Variants in ZNF385D observed in about 807,000 individuals in gnomAD.
ZNF385D encodes zinc finger protein 385D.
In ZNF385D, 15 loss-of-function variants were observed where a neutral mutation model predicts 35.8. The observed-to-expected ratio is 0.42, with a 90% CI of 0.28 to 0.64. The LOEUF (loss-of-function observed/expected upper bound fraction) is 0.64. Ranked by LOEUF, ZNF385D falls within the 30% of genes least tolerant of loss-of-function variation. The probability of loss-of-function intolerance (pLI) is 0.23; values close to 1 mark genes in which losing one functional copy is unlikely to be tolerated. For missense variants in ZNF385D, 474 were observed against 494.6 expected (o/e 0.96, Z 0.39); for synonymous variants, 212 against 186.8 (o/e 1.13, Z -1.10).
At chr3:21,714,647 C>T (rs2068242488) in intron 1 of ZNF385D, among the ~76,000 whole-genome samples, 1 of 152,142 alleles carries the variant, frequency 6.6e-6, no homozygotes, top group African/African-American at 2.4e-5. Context: ...AATTTTCCAA[C>T]ATGTATTATT....
intron 2 of ZNF385D, among the ~76,000 whole-genome samples, chr3:21,578,672 A>G (rs865776789): frequency 2.0e-5 from 3 of 152,068 alleles, no homozygotes; most frequent in African/African-American, 4.8e-5. Flanking sequence ...TAAGTTCTCT[A>G]TTCTGTTCCA....
Position 22,176,004 on chromosome 3 carries a change from T to C in ZNF385D, c.107-6969A>G, listed in dbSNP as rs555484227. 6.3e-4 allele frequency among the ~76,000 whole-genome samples: 95 copies of C among 151,264 alleles called. 1 individual carries two copies. Among genetic ancestry groups the C allele is most frequent in the South Asian group, 2.1e-3 (10 of 4,818 alleles). The stretch of plus-strand genomic sequence containing the variant: ...TATCTTCTATATTTCACTATTAAAA[T>C]TGTAAATAGTTCACAAGCTGTAAAG... On this transcript the variant is annotated intron_variant, in intron 2 of 5. Transcript: ENST00000494108.
intron 3 of ZNF385D, among the ~76,000 whole-genome samples, chr3:22,162,286 G>A (rs1161750354): frequency 1.3e-5 from 2 of 152,084 alleles, no homozygotes; most frequent in Non-Finnish European, 2.9e-5. Flanking sequence ...ATTCAGAGGG[G>A]CTACAGACTA....
chr3:21,567,420 A>C (rs952413028), intron 2 of ZNF385D, among the ~76,000 whole-genome samples: 5 of 152,112 alleles, frequency 3.3e-5, no homozygotes, highest in Non-Finnish European at 7.4e-5. Context: ...TTAACAATGC[A>C]CAGAGCTTGA....
intron 2 of ZNF385D, among the ~76,000 whole-genome samples, chr3:21,573,217 A>G (rs1372119408): frequency 1.3e-5 from 2 of 152,248 alleles, no homozygotes; most frequent in Non-Finnish European, 2.9e-5. Flanking sequence ...GAGGAACTCT[A>G]GAAATCGCTA....
intron 1 of ZNF385D, among the ~76,000 whole-genome samples, chr3:21,706,843 GATA>G (rs2067921092): frequency 1.0e-4 from 12 of 120,356 alleles, no homozygotes; most frequent in Admixed American, 7.2e-4. Context: ...TAGATAGATA[GATA>G]GATAGATAAA....
chr3:22,237,839 T>TTTACAATTTGTGCTAGAGGAG (rs1339447376), intron 2 of ZNF385D, among the ~76,000 whole-genome samples: 24 of 151,320 alleles, frequency 1.6e-4, no homozygotes, highest in South Asian at 6.4e-4. Flanking sequence ...AGGTGGGGTT[T>TTTACAATTTGTGCTAGAGGAG]CACCACATTC....
At chr3:21,968,528 A>G (rs1321534963) in intron 3 of ZNF385D, among the ~76,000 whole-genome samples, 1 of 151,746 alleles carries the variant, frequency 6.6e-6, no homozygotes, top group Non-Finnish European at 1.5e-5. Context: ...AGGAGAGGAG[A>G]GGAGAGAGTA....
intron 3 of ZNF385D, among the ~76,000 whole-genome samples, chr3:22,145,056 C>T (rs917352592): frequency 6.7e-6 from 1 of 149,306 alleles, no homozygotes; most frequent in South Asian, 2.1e-4. Context: ...AATTAGTTAT[C>T]AGTGATACTA....
At chr3:22,069,472 T>C (rs80222065) in intron 3 of ZNF385D, among the ~76,000 whole-genome samples, 7,957 of 152,248 alleles carry the variant, frequency 0.052, 261 homozygotes, top group East Asian at 0.09. Flanking sequence ...GTATAGTGCA[T>C]AGGCAATATA....
chr3:22,089,685 G>C (rs1262570855), intron 3 of ZNF385D, among the ~76,000 whole-genome samples: 2 of 152,118 alleles, frequency 1.3e-5, no homozygotes, highest in African/African-American at 2.4e-5. Flanking sequence ...TCCAGTTCAT[G>C]ATTTTTCCTT....
At chr3:22,082,595 G>A (rs1476317883) in intron 3 of ZNF385D, among the ~76,000 whole-genome samples, 1 of 152,182 alleles carries the variant, frequency 6.6e-6, no homozygotes, top group Non-Finnish European at 1.5e-5. Context: ...AGGCCTGCCT[G>A]CCTCTGCAGA....
rs2070524681 is a variant in ZNF385D at position 21,759,902 on chromosome 3, G to A, written c.326-94874C>T. On this transcript the variant is annotated intron_variant, in intron 3 of 5. Coordinates refer to the ZNF385D transcript ENST00000494108. Reference sequence around the variant, plus strand: ...TGATAACAACTATCTAGAGTGAGCAGAGAGACAGTGCAACTGAGCCCCAAT... The same window carrying A: ...TGATAACAACTATCTAGAGTGAGCAAAGAGACAGTGCAACTGAGCCCCAAT... 2.6e-5 allele frequency among the ~76,000 whole-genome samples: 4 copies of A among 152,268 alleles called. No homozygotes were observed. The South Asian group carries it at 8.3e-4, about 32-fold the overall frequency.
intron 3 of ZNF385D, among the ~76,000 whole-genome samples, chr3:22,130,402 G>T (rs540477296): frequency 2.6e-5 from 4 of 152,102 alleles, no homozygotes; most frequent in South Asian, 2.1e-4. Context: ...GGCCTAGACT[G>T]CCTTTCAAGT....
At chr3:22,172,430 T>C (rs1694523736) in intron 2 of ZNF385D, among the ~76,000 whole-genome samples, 2 of 152,240 alleles carry the variant, frequency 1.3e-5, no homozygotes, top group South Asian at 2.1e-4. Context: ...AAAATAAAAG[T>C]AGAAACAATA....
At chr3:21,559,179 ATTG>A (rs1218222471) in intron 3 of ZNF385D, among the ~76,000 whole-genome samples, 1 of 151,904 alleles carries the variant, frequency 6.6e-6, no homozygotes. Context: ...TAAGGTTAAT[ATTG>A]TTATGTGTGA....
chr3:21,525,114 A>T (rs1274445726), intron 3 of ZNF385D, among the ~76,000 whole-genome samples: 1 of 152,216 alleles, frequency 6.6e-6, no homozygotes, highest in East Asian at 1.9e-4. Flanking sequence ...TATATCATTT[A>T]AAAGTCTCAA....
intron 1 of ZNF385D, among the ~76,000 whole-genome samples, chr3:21,704,240 A>T (rs2067812805): frequency 6.6e-6 from 1 of 152,142 alleles, no homozygotes; most frequent in African/African-American, 2.4e-5. Context: ...CTACTCAGTC[A>T]GCCACCAACG....
intron 2 of ZNF385D, among the ~76,000 whole-genome samples, chr3:22,231,008 T>G (rs1162260125): frequency 6.6e-6 from 1 of 151,768 alleles, no homozygotes; most frequent in East Asian, 1.9e-4. Context: ...GATATACATT[T>G]TATTACTCAA....
Sources: gnomAD v4.1 joint callset for allele counts (sites outside exome capture counted in the v4.1 genomes callset) on GRCh38, gnomAD v4.1.1 for gene constraint, MANE v1.5 for transcripts, NCBI Gene and HGNC (gene_info 2026-07-23, HGNC 2026-07-21) for gene names.